RFC3: variants seen among roughly 807,000 people sequenced by gnomAD.
RFC3 encodes the protein A1 38 kDa subunit.
Under a neutral mutation model 45.1 loss-of-function variants are expected in RFC3, and 41 were observed. That is an observed-to-expected ratio of 0.91 (90% CI 0.71 to 1.18). The LOEUF (loss-of-function observed/expected upper bound fraction) is 1.18. Ranked by LOEUF, RFC3 falls within the 50% of genes most tolerant of loss-of-function variation. RFC3 has a pLI of 0.00. For missense variants in RFC3, 423 were observed against 428.1 expected (o/e 0.99, Z 0.10); for synonymous variants, 149 against 144.0 (o/e 1.03, Z -0.25).
intron 8 of RFC3, among the ~76,000 whole-genome samples, chr13:33,963,647 G>A (rs1287632206): frequency 1.3e-5 from 2 of 152,138 alleles, no homozygotes; most frequent in African/African-American, 4.8e-5. Context: ...TTTTAATTTT[G>A]TTTGATATTT....
At chr13:33,826,177 AAAT>A (rs2082047529) in intron 4 of RFC3, among the ~76,000 whole-genome samples, 1 of 152,192 alleles carries the variant, frequency 6.6e-6, no homozygotes, top group Admixed American at 6.5e-5. Flanking sequence ...ATAAAAAAGA[AAAT>A]AATATCAGCT....
downstream of RFC3, among the ~76,000 whole-genome samples, chr13:33,968,166 C>T (rs1358708334): frequency 1.3e-5 from 2 of 152,130 alleles, no homozygotes; most frequent in African/African-American, 2.4e-5. Context: ...CTGGCTCTGT[C>T]GCCTAGGCTG....
intron 8 of RFC3, among the ~76,000 whole-genome samples, chr13:33,894,622 C>A (rs1260135692): frequency 6.6e-6 from 1 of 152,092 alleles, no homozygotes; most frequent in Admixed American, 6.6e-5. Context: ...GCTGTCACCA[C>A]TAGGAAGGCT....
At chr13:33,856,494 T>A (rs1436846165) in intron 8 of RFC3, among the ~76,000 whole-genome samples, 1 of 152,148 alleles carries the variant, frequency 6.6e-6, no homozygotes, top group Non-Finnish European at 1.5e-5. Flanking sequence ...AAATAAAAGT[T>A]AAAAAACTGA....
At chr13:33,969,850 T>C (rs1006259904), downstream of RFC3, among the ~76,000 whole-genome samples, 1 of 152,158 alleles carries the variant, frequency 6.6e-6, no homozygotes, top group African/African-American at 2.4e-5. Context: ...TTTCTGGTAT[T>C]ATCAGTCTTT....
Position 33,836,538 on chromosome 13 carries a change from T to A in RFC3, c.*243T>A. The A allele has an allele frequency of 1.7e-6, 2 of 1,201,624 alleles. No homozygotes were observed. 74.4% of individuals were successfully genotyped at this position (1,201,624 alleles called of 1,614,324 possible). A position where few individuals can be genotyped will look rare whatever the true frequency, so the allele number is the denominator to read the frequency against. ...TCTAAGAAAATGATCTTAATTTACT[T>A]TAAGCATTGGTTATTCAAGTATTCA... On this transcript the variant is annotated 3_prime_UTR_variant, in exon 9 of 9. Transcript: ENST00000380071.
intron 8 of RFC3, among the ~76,000 whole-genome samples, chr13:33,853,802 T>G (rs1185256627): frequency 6.6e-6 from 1 of 152,114 alleles, no homozygotes; most frequent in Non-Finnish European, 1.5e-5. Flanking sequence ...CCCAAGTCAC[T>G]GAGAGGTGAC....
intron 8 of RFC3, among the ~76,000 whole-genome samples, chr13:33,891,116 C>A (rs551115660): frequency 6.6e-6 from 1 of 152,070 alleles, no homozygotes; most frequent in Admixed American, 6.6e-5. Flanking sequence ...GACTCCACCA[C>A]GTTTAGTGGT....
At chr13:33,899,204 CAAAAAA>C (rs59221382) in intron 8 of RFC3, among the ~76,000 whole-genome samples, 1,322 of 52,032 alleles carry the variant, frequency 0.025, 14 homozygotes, top group African/African-American at 0.084. Flanking sequence ...CACAATAAGA[CAAAAAA>C]AAAAAAAAAA....
chr13:33,938,831 C>A (rs2082905193), intron 8 of RFC3, among the ~76,000 whole-genome samples: 1 of 152,078 alleles, frequency 6.6e-6, no homozygotes, highest in South Asian at 2.1e-4. Flanking sequence ...CTGGTAGCTA[C>A]AACAAAACAG....
intron 8 of RFC3, among the ~76,000 whole-genome samples, chr13:33,852,327 G>A (rs181948064): frequency 1.8e-4 from 27 of 152,284 alleles, no homozygotes; most frequent in African/African-American, 5.5e-4. Context: ...CTGTTTTTCT[G>A]TTGAGAATGA....
At chr13:33,908,463 C>T (rs901926254) in intron 8 of RFC3, among the ~76,000 whole-genome samples, 2 of 151,940 alleles carry the variant, frequency 1.3e-5, no homozygotes, top group African/African-American at 4.8e-5. Context: ...CTAGTTCTCA[C>T]GGAGATCATC....
intron 2 of RFC3, among the ~76,000 whole-genome samples, chr13:33,821,762 C>T (rs1043951676): frequency 2.6e-5 from 4 of 152,140 alleles, no homozygotes; most frequent in Non-Finnish European, 5.9e-5. Flanking sequence ...AGCTGCATAC[C>T]GTGTAGCACA....
intron 8 of RFC3, among the ~76,000 whole-genome samples, chr13:33,931,401 C>G (rs566844639): frequency 1.4e-4 from 21 of 152,054 alleles, no homozygotes; most frequent in Admixed American, 1.4e-3. Flanking sequence ...GTGTGGATAC[C>G]GTGATGCTGA....
At chr13:33,921,252 C>T (rs1454898430) in intron 8 of RFC3, among the ~76,000 whole-genome samples, 1 of 152,118 alleles carries the variant, frequency 6.6e-6, no homozygotes, top group East Asian at 1.9e-4. Context: ...ATGGCAGCGG[C>T]TAAGTGCTGT....
intron 8 of RFC3, among the ~76,000 whole-genome samples, chr13:33,944,837 G>C (rs1304990167): frequency 6.6e-6 from 1 of 152,004 alleles, no homozygotes; most frequent in African/African-American, 2.4e-5. Flanking sequence ...AGGAAACAGT[G>C]GGGGCAAATG....
chr13:33,842,992 CTG>C (rs1417484101), intron 8 of RFC3, among the ~76,000 whole-genome samples: 1 of 152,090 alleles, frequency 6.6e-6, no homozygotes, highest in Non-Finnish European at 1.5e-5. Context: ...GTTTTACACT[CTG>C]AGATTTATCA....
chr13:33,837,772 G>A (rs1394893785), downstream of RFC3, among the ~76,000 whole-genome samples: 2 of 151,684 alleles, frequency 1.3e-5, no homozygotes, highest in Non-Finnish European at 2.9e-5. Context: ...TCTAGGTTAT[G>A]TACTTGGAAA....
chr13:33,896,890 A>C (rs79643886), intron 8 of RFC3, among the ~76,000 whole-genome samples: 9,561 of 152,080 alleles, frequency 0.063, 731 homozygotes, highest in African/African-American at 0.18. Flanking sequence ...GTATCTAGCA[A>C]AGCTATCCTT....
Sources: allele counts gnomAD v4.1 joint callset (sites outside exome capture counted in the v4.1 genomes callset), GRCh38; gene constraint gnomAD v4.1.1; transcripts MANE v1.5; gene names NCBI Gene and HGNC (gene_info 2026-07-23, HGNC 2026-07-21).